USP36: variants seen among roughly 807,000 people sequenced by gnomAD.
USP36 encodes ubiquitin specific peptidase 36.
In USP36, 59 loss-of-function variants were observed where a neutral mutation model predicts 111.5. The observed-to-expected ratio is 0.53, with a 90% CI of 0.43 to 0.66. The LOEUF is 0.66. Among genes scored for constraint, USP36 ranks in the 30% least tolerant of loss-of-function variants. The pLI is 0.00. For missense variants in USP36, 1,488 were observed against 1,468.0 expected, an observed-to-expected ratio of 1.01 and a Z score of -0.22; for synonymous variants, 628 against 581.0, an observed-to-expected ratio of 1.08 and a Z score of -1.16.
downstream of USP36, among the ~76,000 whole-genome samples, chr17:78,794,877 C>T (rs143856425): frequency 2.4e-4 from 36 of 151,982 alleles, no homozygotes; most frequent in African/African-American, 8.4e-4. Context: ...CGTGGTGATG[C>T]GTGCCTGTAC....
At chr17:78,838,387 C>CA (rs1258501186) in intron 2 of USP36, among the ~76,000 whole-genome samples, 200 bp downstream of exon 2, 2 of 134,662 alleles carry the variant, frequency 1.5e-5, no homozygotes, top group African/African-American at 3.0e-5. Context: ...AAAAAAAAAA[C>CA]AAAAAACAAA....
intron 6 of USP36, among the ~76,000 whole-genome samples, chr17:78,822,837 A>G (rs896832299): frequency 1.3e-5 from 2 of 152,326 alleles, no homozygotes; most frequent in African/African-American, 4.8e-5. Flanking sequence ...GCCTCCAGGC[A>G]TGAGGCCAGC....
At chr17:78,802,246 G>T in intron 17 of USP36, 78 bp downstream of exon 17, 2 of 1,045,544 alleles carry the variant, frequency 1.9e-6, no homozygotes, top group Admixed American at 3.2e-5. Flanking sequence ...CCCCTCGCCC[G>T]GTGCACACCC....
Position 78,807,593 on chromosome 17 carries a change from T to C in USP36, c.1451A>G (p.Glu484Gly), listed in dbSNP as rs375802757. The change falls in exon 14 of 21, where the codon GAG becomes GGG. Residue 484 changes from glutamate to glycine, a missense_variant. Coordinates refer to ENST00000449938, the MANE Select transcript of USP36 (RefSeq NM_001385174.1). ...GTMKKPHTTE[E>G]IGVPISRNGS... Reference sequence around the variant, plus strand: ...ATTCCTGGATATGGGCACACCAATCTCTTCAGTGGTGTGCGGCTTCTTCAT... The same window carrying C: ...ATTCCTGGATATGGGCACACCAATCCCTTCAGTGGTGTGCGGCTTCTTCAT... The C allele has an allele frequency of 7.2e-5, 112 of 1,565,748 alleles. 1 individual carries two copies. Among genetic ancestry groups the C allele is most frequent in the Admixed American group, 1.9e-5 (1 of 52,126 alleles).
intron 10 of USP36, among the ~76,000 whole-genome samples, chr17:78,818,229 G>T (rs962704871): frequency 2.6e-5 from 4 of 152,150 alleles, no homozygotes; most frequent in Admixed American, 6.5e-5. Flanking sequence ...CCACCGCCCA[G>T]TGCTCATCAC....
At position 78,807,233 on chromosome 17, in the gene USP36, C is replaced by T. The variant is rs2093930405; in HGVS notation, c.1811G>A (p.Gly604Asp). 6 of 1,614,082 alleles carry T rather than the reference C, an allele frequency of 3.7e-6. No homozygotes were observed. Among genetic ancestry groups the T allele is most frequent in the South Asian group, 1.1e-5 (1 of 91,070 alleles). ...GCTGCTGGAGCCCCTCCTGTCGAGG[C>T]CAGCGCTCTCGTCGTTCCCCTTCAG... is the stretch of plus-strand genomic sequence containing the variant. Reference protein sequence around the residue: ...HGLKGNDESAGLDRRGSSSSS... With the variant: ...HGLKGNDESADLDRRGSSSSS... The change falls in exon 14 of 21, where the codon GGC (glycine) becomes GAC (aspartate). Residue 604 changes from glycine to aspartate, a missense_variant. Transcript: ENST00000449938.
intron 8 of USP36, among the ~76,000 whole-genome samples, chr17:78,820,473 A>AT (rs1424905293): frequency 2.6e-5 from 4 of 152,284 alleles, no homozygotes; most frequent in African/African-American, 9.6e-5. Context: ...TCAAGCCCCT[A>AT]TAAAAAAAAA....
chr17:78,824,499 G>A (rs962997482), intron 6 of USP36, among the ~76,000 whole-genome samples: 1 of 152,126 alleles, frequency 6.6e-6, no homozygotes. Flanking sequence ...AGCGGAGATT[G>A]CACCACTGCA....
intron 13 of USP36, among the ~76,000 whole-genome samples, chr17:78,812,415 C>G (rs1033709509): frequency 1.3e-5 from 2 of 151,994 alleles, no homozygotes; most frequent in African/African-American, 4.8e-5. Flanking sequence ...ATTGGCCGGG[C>G]GCGGTGGCTC....
chr17:78,806,866 C>A, intron 14 of USP36, 93 bp downstream of exon 14: 1 of 1,510,480 alleles, frequency 6.6e-7, no homozygotes, highest in Non-Finnish European at 8.9e-7. Flanking sequence ...GGCCAAAGCC[C>A]CCGGACAATG....
At chr17:78,792,707 G>A (rs1375818022), downstream of USP36, among the ~76,000 whole-genome samples, 1 of 151,476 alleles carries the variant, frequency 6.6e-6, no homozygotes, top group South Asian at 2.1e-4. Flanking sequence ...TGATCCCCCC[G>A]GGAAGGTTTT....
chr17:78,794,468 G>T (rs2093606909), downstream of USP36, among the ~76,000 whole-genome samples: 1 of 152,130 alleles, frequency 6.6e-6, no homozygotes, highest in African/African-American at 2.4e-5. Flanking sequence ...CTCATGACAG[G>T]CTCCTCATGG....
intron 4 of USP36, among the ~76,000 whole-genome samples, chr17:78,832,301 A>C (rs2068213643): frequency 6.6e-6 from 1 of 152,196 alleles, no homozygotes; most frequent in African/African-American, 2.4e-5. Flanking sequence ...ACCCCTTAGG[A>C]TCCTCAACTC....
chr17:78,825,270 A>G (rs2067435628), intron 6 of USP36, among the ~76,000 whole-genome samples: 1 of 152,236 alleles, frequency 6.6e-6, no homozygotes, highest in Non-Finnish European at 1.5e-5. Flanking sequence ...TCCATGAAGT[A>G]GAAATATTAT....
chr17:78,789,870 G>A (rs1007821380), intron 3 of USP36, among the ~76,000 whole-genome samples: 2 of 152,244 alleles, frequency 1.3e-5, no homozygotes, highest in African/African-American at 4.8e-5. Flanking sequence ...GGAAGGCAAT[G>A]TGAAGGGGAA....
At chr17:78,827,887 G>A (rs377398101) in intron 5 of USP36, among the ~76,000 whole-genome samples, 2 of 152,146 alleles carry the variant, frequency 1.3e-5, no homozygotes, top group African/African-American at 4.8e-5. Flanking sequence ...CTCCAGCCTG[G>A]GCAATAGAGC....
intron 1 of USP36, among the ~76,000 whole-genome samples, chr17:78,839,642 T>A (rs1310137401): frequency 2.0e-5 from 3 of 152,208 alleles, no homozygotes; most frequent in Non-Finnish European, 4.4e-5. Flanking sequence ...ACCCACTCCT[T>A]AATGTAGATG....
chr17:78,802,517 A>G lies in USP36; in HGVS notation c.2829T>C (p.Asp943=). The change falls in exon 17 of 21, where the codon GAT becomes GAC. Residue 943 remains aspartate (D), a synonymous_variant. Transcript: ENST00000449938. Reference sequence around the variant, plus strand: ...ACTCTTCCATGGCCTCTGGATCACCATCACCCATGGGAGAGCAGCTGCTTG... The same window carrying G: ...ACTCTTCCATGGCCTCTGGATCACCGTCACCCATGGGAGAGCAGCTGCTTG... ...PLRHSCSPMG[D]GDPEAMEESP... is the part of the protein sequence containing the mutation. 4 of 1,606,314 alleles carry G rather than the reference A, an allele frequency of 2.5e-6. No individual in the cohort carries two copies. Among genetic ancestry groups the G allele is most frequent in the African/African-American group, 1.3e-5 (1 of 74,862 alleles).
chr17:78,794,782 CG>C (rs2093609298), downstream of USP36, among the ~76,000 whole-genome samples: 1 of 151,872 alleles, frequency 6.6e-6, no homozygotes, highest in African/African-American at 2.4e-5. Context: ...CTGAGGCAAG[CG>C]GATCACAAGG....
Sources: allele counts gnomAD v4.1 joint callset (sites outside exome capture counted in the v4.1 genomes callset), GRCh38; gene constraint gnomAD v4.1.1; transcripts MANE v1.5; gene names NCBI Gene and HGNC (gene_info 2026-07-23, HGNC 2026-07-21).